Variants in KDM4A observed in about 807,000 individuals in gnomAD.
KDM4A encodes the protein lysine demethylase 4A.
KDM4A carries 23 observed loss-of-function variants against 127.1 expected under a neutral mutation model. The observed-to-expected ratio is 0.18, with a 90% CI of 0.13 to 0.26. KDM4A has a LOEUF of 0.26. Ranked by LOEUF, KDM4A falls within the 10% of genes least tolerant of loss-of-function variation. KDM4A has a pLI of 1.00. For synonymous variants in KDM4A, 443 were observed against 466.5 expected (o/e 0.95, Z 0.65); for missense variants, 890 against 1,329.1 (o/e 0.67, Z 5.14).
At chr1:43,663,539 G>A (rs909843373) in intron 5 of KDM4A, among the ~76,000 whole-genome samples, 1 of 152,102 alleles carries the variant, frequency 6.6e-6, no homozygotes, top group Non-Finnish European at 1.5e-5. Context: ...CATGCTTCCT[G>A]TTCTCCAGAG....
Position 43,663,099 on chromosome 1 carries a change from C to G in KDM4A, c.623+12C>G. 1 of 1,606,162 alleles carries G rather than the reference C, an allele frequency of 6.2e-7. No homozygotes were observed. The stretch of plus-strand genomic sequence containing the variant: ...GAACCAAAGTCCTGGTACAGTCTGC[C>G]TGCAGTCGGCACCGGGCTTCTATGC... On this transcript the variant is annotated intron_variant, in intron 5 of 21. Coordinates refer to ENST00000372396, the MANE Select transcript of KDM4A (RefSeq NM_014663.3).
intron 5 of KDM4A, among the ~76,000 whole-genome samples, chr1:43,665,199 T>G (rs1035359417): frequency 6.6e-6 from 1 of 152,148 alleles, no homozygotes; most frequent in Non-Finnish European, 1.5e-5. Context: ...GTTGGGGAGA[T>G]AAAGGGAAAG....
At chr1:43,692,380 G>T in intron 16 of KDM4A, 69 bp downstream of exon 16, 1 of 1,315,612 alleles carries the variant, frequency 7.6e-7, no homozygotes, top group Non-Finnish European at 1.1e-6. Flanking sequence ...CTTTGTGAGG[G>T]TACTAGCTGT....
intron 12 of KDM4A, among the ~76,000 whole-genome samples, chr1:43,685,703 A>T (rs1660957917): frequency 6.6e-6 from 1 of 152,032 alleles, no homozygotes; most frequent in South Asian, 2.1e-4. Context: ...AGGAGGCAGA[A>T]TTTGCAGTGA....
chr1:43,687,742 T>C (rs1348449912), intron 12 of KDM4A, among the ~76,000 whole-genome samples: 1 of 152,236 alleles, frequency 6.6e-6, no homozygotes, highest in Non-Finnish European at 1.5e-5. Context: ...GTTTCACTGA[T>C]TTAGGAAGAA....
chr1:43,703,945 G>A, intron 20 of KDM4A, 75 bp from the exon 21 acceptor site: 1 of 1,375,510 alleles, frequency 7.3e-7, no homozygotes, highest in Non-Finnish European at 1.0e-6. Context: ...GACTGTAGGG[G>A]ACTGCCACTG....
intron 4 of KDM4A, among the ~76,000 whole-genome samples, chr1:43,660,681 G>C (rs1281329643): frequency 1.3e-5 from 2 of 152,172 alleles, no homozygotes; most frequent in African/African-American, 2.4e-5. Context: ...TAGCTGATGA[G>C]TTCTTGAAAG....
chr1:43,696,245 G>A (rs2154048956), intron 18 of KDM4A, among the ~76,000 whole-genome samples: 1 of 152,286 alleles, frequency 6.6e-6, no homozygotes, highest in Non-Finnish European at 1.5e-5. Context: ...TGGTCACTAA[G>A]TACCACAAAC....
chr1:43,693,056 C>T lies in KDM4A; in HGVS notation c.2375+745C>T, dbSNP rs1197616516. Among the ~76,000 whole-genome samples, 1 of 152,198 alleles carries T rather than the reference C, an allele frequency of 6.6e-6. No individual in the cohort carries two copies. The highest frequency in any genetic ancestry group is 2.4e-5 in the African/African-American group (1 of 41,440). On this transcript the variant is annotated intron_variant, in intron 16 of 21. Coordinates refer to ENST00000372396, the MANE Select transcript of KDM4A (RefSeq NM_014663.3). The surrounding 1 kb of genome is among the most constrained non-coding windows in gnomAD (Gnocchi z 4.2). Reference sequence around the variant, plus strand: ...CCCTCAAGAGTCCCAGTTATGCTGTCCCTGAGAGATAGCTACTCTGCCTGC... The same window carrying T: ...CCCTCAAGAGTCCCAGTTATGCTGTTCCTGAGAGATAGCTACTCTGCCTGC...
rs1453063658 is a variant in KDM4A at position 43,686,669 on chromosome 1, A to G, written c.1856-2245A>G. 2.6e-5 allele frequency among the ~76,000 whole-genome samples: 4 copies of G among 152,140 alleles called. No homozygotes were observed. The South Asian group carries it at 6.2e-4, about 24-fold the overall frequency. On this transcript the variant is annotated intron_variant, in intron 12 of 21. Transcript: ENST00000372396. ...ATCCTTTAATCTTCAGTCCATGCCC[A>G]TCTTTCCCTGCATGTCCCAAGAATG...
chr1:43,689,496 G>T (rs1661059109), intron 13 of KDM4A, among the ~76,000 whole-genome samples: 1 of 152,176 alleles, frequency 6.6e-6, no homozygotes, highest in Non-Finnish European at 1.5e-5. Context: ...CTCTAATGTT[G>T]TTTTTCCTTT....
chr1:43,699,151 C>G (rs978756763), intron 19 of KDM4A, among the ~76,000 whole-genome samples: 5 of 150,228 alleles, frequency 3.3e-5, no homozygotes, highest in African/African-American at 1.2e-4. Flanking sequence ...GGCTGGAGTG[C>G]AGTGGCTGTA....
In KDM4A at chr1:43,655,484, G is replaced by A. The variant is rs76612941; in HGVS notation, c.139-107G>A. The A allele has an allele frequency of 3.2e-3, 2,987 of 941,556 alleles. 6 individuals carry two copies. The highest frequency in any genetic ancestry group is 3.9e-3 in the Non-Finnish European group (2,402 of 623,740). The allele number at this position is 941,556 out of a possible 1,614,324, so 58.3% of individuals were successfully genotyped here. A position where few individuals can be genotyped will look rare whatever the true frequency, so the allele number is the denominator to read the frequency against. ...TGAATGTGGGTAAATCAAAGTAACTGTCTAGTAAAATTGACTGTTAGGTTG... is the reference window on the plus strand; with the variant it reads ...TGAATGTGGGTAAATCAAAGTAACTATCTAGTAAAATTGACTGTTAGGTTG... On this transcript the variant is annotated intron_variant, in intron 2 of 21. Coordinates refer to ENST00000372396, the MANE Select transcript of KDM4A (RefSeq NM_014663.3).
At chr1:43,681,963 T>C (rs957022979) in intron 11 of KDM4A, among the ~76,000 whole-genome samples, 6 of 152,144 alleles carry the variant, frequency 3.9e-5, no homozygotes, top group Admixed American at 3.3e-4. Flanking sequence ...AAAGAACCCT[T>C]TTACTTACTT....
Position 43,694,928 on chromosome 1 carries a change from C to G in KDM4A, c.2670+34C>G. On this transcript the variant is annotated intron_variant, in intron 18 of 21. Coordinates refer to ENST00000372396, the MANE Select transcript of KDM4A (RefSeq NM_014663.3). The surrounding 1 kb of genome is among the most constrained non-coding windows in gnomAD (Gnocchi z 5.2). Reference sequence around the variant, plus strand: ...GGGTGTCATTCTAGAATCCTCTTGACAGTTTTCATGGTCATTTTCTCTGCA... The same window carrying G: ...GGGTGTCATTCTAGAATCCTCTTGAGAGTTTTCATGGTCATTTTCTCTGCA... 6.4e-7 allele frequency: 1 copy of G among 1,556,692 alleles called. No homozygotes were observed. Among genetic ancestry groups the G allele is most frequent in the East Asian group, 2.3e-5 (1 of 43,828 alleles).
intron 5 of KDM4A, among the ~76,000 whole-genome samples, chr1:43,665,198 A>C (rs998967512): frequency 6.6e-6 from 1 of 152,088 alleles, no homozygotes; most frequent in Non-Finnish European, 1.5e-5. Flanking sequence ...TGTTGGGGAG[A>C]TAAAGGGAAA....
chr1:43,703,319 A>C (rs186368448), intron 19 of KDM4A: 27 of 256,098 alleles, frequency 1.1e-4, no homozygotes, highest in Non-Finnish European at 1.3e-4. Context: ...CCGCAGGGGA[A>C]CAGTTGAGGG....
chr1:43,653,989 A>G (rs114201963), intron 2 of KDM4A, among the ~76,000 whole-genome samples: 6 of 152,350 alleles, frequency 3.9e-5, no homozygotes, highest in Non-Finnish European at 7.3e-5. Context: ...ATTCCCTACC[A>G]TATGTGCTTG....
intron 11 of KDM4A, among the ~76,000 whole-genome samples, chr1:43,680,444 T>G (rs1034436575): frequency 6.6e-5 from 10 of 152,208 alleles, no homozygotes; most frequent in Non-Finnish European, 1.5e-5. Flanking sequence ...ACTTGGATCT[T>G]AGGTACCTCC....
Sources: gnomAD v4.1 joint callset for allele counts (sites outside exome capture counted in the v4.1 genomes callset) on GRCh38, gnomAD v4.1.1 for gene constraint, Gnocchi (gnomAD v3.1) non-coding constraint, MANE v1.5 for transcripts, NCBI Gene and HGNC (gene_info 2026-07-23, HGNC 2026-07-21) for gene names.